Variants in KANSL1 observed in about 807,000 individuals in gnomAD.
KANSL1 encodes KAT8 regulatory NSL complex subunit 1, also known as MLL1/MLL complex subunit KANSL1.
KANSL1 carries 22 observed loss-of-function variants against 103.6 expected under a neutral mutation model. That is an observed-to-expected ratio of 0.21 (90% CI 0.15 to 0.30). The LOEUF (loss-of-function observed/expected upper bound fraction) is 0.30, where lower values mean the gene tolerates loss of function less well. Ranked by LOEUF, KANSL1 falls within the 10% of genes least tolerant of loss-of-function variation. The probability of loss-of-function intolerance (pLI) is 1.00; values close to 1 mark genes in which losing one functional copy is unlikely to be tolerated. For missense variants in KANSL1, 1,337 were observed against 1,399.8 expected (o/e 0.96, Z 0.72); for synonymous variants, 600 against 527.6 (o/e 1.14, Z -1.88).
At chr17:46,034,054 G>T in intron 11 of KANSL1, 107 bp downstream of exon 11, 1 of 1,343,972 alleles carries the variant, frequency 7.4e-7, no homozygotes, top group Non-Finnish European at 1.0e-6. Flanking sequence ...CTCTTAATGA[G>T]AAGACAGAAC....
chr17:46,040,118 T>G lies in KANSL1; in HGVS notation c.2021-234A>C, dbSNP rs138420167. 2.3e-3 allele frequency: 1,005 copies of G among 436,360 alleles called. 11 individuals carry two copies. The highest frequency in any genetic ancestry group is 0.017 in the African/African-American group (864 of 49,448). 27.0% of individuals were successfully genotyped at this position (436,360 alleles called of 1,614,324 possible). ...CCAAAGGGAAACAAAACAAGACACC[T>G]TTTTGGTTTGGTTGATGGAGTTTTT... is the stretch of plus-strand genomic sequence containing the variant. On this transcript the variant is annotated intron_variant, in intron 7 of 14. Coordinates refer to ENST00000432791, the MANE Select transcript of KANSL1 (RefSeq NM_015443.4).
intron 6 of KANSL1, among the ~76,000 whole-genome samples, chr17:46,062,134 A>AAAAAAAAAAAAAAAAAAAAAC (rs67483415): frequency 3.0e-5 from 4 of 132,748 alleles, no homozygotes; most frequent in Non-Finnish European, 6.5e-5. Flanking sequence ...AAAAAAAAAA[A>AAAAAAAAAAAAAAAAAAAAAC]CATGTTACAG....
At chr17:46,214,919 A>C (rs1407510525) in intron 1 of KANSL1, among the ~76,000 whole-genome samples, 1 of 152,266 alleles carries the variant, frequency 6.6e-6, no homozygotes, top group African/African-American at 2.4e-5. Flanking sequence ...CATTCCTTTG[A>C]TTATTTATCA....
At chr17:46,034,897 G>A (rs999159378) in intron 10 of KANSL1, 2 of 152,322 alleles carry the variant, frequency 1.3e-5, no homozygotes, top group Non-Finnish European at 2.9e-5. Context: ...GAGCTTTCTA[G>A]CTGTATCAAA....
chr17:46,056,954 C>T (rs2077953488), intron 6 of KANSL1, among the ~76,000 whole-genome samples: 2 of 152,146 alleles, frequency 1.3e-5, no homozygotes, highest in African/African-American at 2.4e-5. Flanking sequence ...GTAATTACTA[C>T]AGATATTGCC....
At chr17:46,121,412 C>T (rs180913008) in intron 2 of KANSL1, 1 of 152,464 alleles carries the variant, frequency 6.6e-6, no homozygotes, top group Admixed American at 6.5e-5. Flanking sequence ...TGCCGGATTA[C>T]TTCAGGCAGT....
chr17:46,141,649 C>T (rs1359976606), intron 2 of KANSL1, among the ~76,000 whole-genome samples: 4 of 151,876 alleles, frequency 2.6e-5, no homozygotes, highest in Admixed American at 6.6e-5. Context: ...AATACAGTAT[C>T]CTCACAAAAA....
intron 2 of KANSL1, among the ~76,000 whole-genome samples, chr17:46,096,950 A>C (rs1360606185): frequency 6.6e-6 from 1 of 152,138 alleles, no homozygotes; most frequent in Admixed American, 6.5e-5. Context: ...AATGTTGTGG[A>C]GATGGGGTCT....
intron 4 of KANSL1, among the ~76,000 whole-genome samples, chr17:46,077,661 G>A (rs888293370): frequency 4.6e-5 from 7 of 152,216 alleles, no homozygotes; most frequent in Admixed American, 2.6e-4. Flanking sequence ...GAGTTCAAGC[G>A]ATTCTCCTGC....
chr17:46,125,774 G>C (rs528559674), intron 2 of KANSL1, among the ~76,000 whole-genome samples: 106 of 152,274 alleles, frequency 7.0e-4, no homozygotes, highest in African/African-American at 2.5e-3. Flanking sequence ...ACTAGTAACA[G>C]ATTCTACCAT....
intron 2 of KANSL1, among the ~76,000 whole-genome samples, chr17:46,096,314 T>TCTTTCTTTC (rs199855346): frequency 2.9e-4 from 22 of 74,606 alleles, no homozygotes; most frequent in Non-Finnish European, 5.6e-4. Context: ...TTTTTTTCTT[T>TCTTTCTTTC]TTTTTTTTTT....
chr17:46,067,474 G>A (rs1214101470), intron 5 of KANSL1, 75 bp downstream of exon 5: 2 of 899,690 alleles, frequency 2.2e-6, no homozygotes, highest in Middle Eastern at 2.1e-4. Flanking sequence ...GTCAGTCCTG[G>A]CTAAAGAGAA....
In KANSL1 at chr17:46,031,328, A is replaced by C. The variant is rs2076999985; in HGVS notation, c.*148T>G. ...AACAAAACAAAAATTAAAACAAGAA[A>C]AAAAAATACCAAAGTAGGATCTAAA... On this transcript the variant is annotated 3_prime_UTR_variant, in exon 15 of 15. Coordinates refer to ENST00000432791, the MANE Select transcript of KANSL1 (RefSeq NM_015443.4). The C allele has an allele frequency of 1.3e-6, 1 of 796,478 alleles. No homozygotes were observed. The highest frequency in any genetic ancestry group is 1.7e-5 in the African/African-American group (1 of 57,418). The allele number at this position is 796,478 out of a possible 1,614,324, so 49.3% of individuals were successfully genotyped here.
At chr17:46,051,811 T>C (rs1320015039) in intron 6 of KANSL1, among the ~76,000 whole-genome samples, 6 of 152,242 alleles carry the variant, frequency 3.9e-5, no homozygotes, top group Non-Finnish European at 7.3e-5. Context: ...TCGAAAGCCT[T>C]TTATGGATTT....
intron 4 of KANSL1, among the ~76,000 whole-genome samples, chr17:46,073,860 T>G (rs1351956189): frequency 6.6e-6 from 1 of 152,164 alleles, no homozygotes; most frequent in Non-Finnish European, 1.5e-5. Flanking sequence ...GGGTACTAGA[T>G]GACAACTGTG....
intron 1 of KANSL1, among the ~76,000 whole-genome samples, chr17:46,216,636 A>T (rs1183849302): frequency 6.6e-6 from 1 of 152,212 alleles, no homozygotes. Context: ...ATAAAACAAA[A>T]ATCTTGTTAA....
chr17:46,210,491 A>G lies in KANSL1; in HGVS notation c.-90+13180T>C, dbSNP rs78678695. 1.2e-3 allele frequency among the ~76,000 whole-genome samples: 35 copies of G among 28,298 alleles called. 1 individual carries two copies. Among genetic ancestry groups the G allele is most frequent in the South Asian group, 2.6e-3 (1 of 386 alleles). The allele number at this position is 28,298 out of a possible 152,430, so 18.6% of individuals were successfully genotyped here. On this transcript the variant is annotated intron_variant, in intron 1 of 14. Coordinates refer to the KANSL1 transcript ENST00000572904. ...CTGTCTCAAAAAAAAAAAAAAAAAA[A>G]AAAAAAAAAAAGACCTGAGTGGCCA...
chr17:46,115,353 T>A (rs2042997511), intron 2 of KANSL1, among the ~76,000 whole-genome samples: 1 of 151,980 alleles, frequency 6.6e-6, no homozygotes, highest in Non-Finnish European at 1.5e-5. Flanking sequence ...AGCCACCGTG[T>A]CCAGCCTGTA....
At chr17:46,156,325 C>T (rs1436729939) in intron 2 of KANSL1, among the ~76,000 whole-genome samples, 1 of 151,838 alleles carries the variant, frequency 6.6e-6, no homozygotes, top group Admixed American at 6.6e-5. Context: ...CCAGCCTGGG[C>T]GACAGACCGA....
Sources: allele counts gnomAD v4.1 joint callset (sites outside exome capture counted in the v4.1 genomes callset), GRCh38; gene constraint gnomAD v4.1.1; transcripts MANE v1.5; gene names NCBI Gene and HGNC (gene_info 2026-07-23, HGNC 2026-07-21).